The following PTPRK variants were observed in gnomAD, a reference collection of about 807,000 sequenced individuals.
PTPRK encodes receptor-type tyrosine-protein phosphatase kappa.
In PTPRK, 75 loss-of-function variants were observed where a neutral mutation model predicts 178.0. The observed-to-expected ratio is 0.42, with a 90% CI of 0.35 to 0.51. The LOEUF is 0.51. Ranked by LOEUF, PTPRK falls within the 20% of genes least tolerant of loss-of-function variation. The pLI, the probability that PTPRK is intolerant of heterozygous loss-of-function variation, is 0.02. For synonymous variants in PTPRK, 637 were observed against 620.6 expected (o/e 1.03, Z -0.39); for missense variants, 1,441 against 1,797.8 (o/e 0.80, Z 3.59).
At chr6:128,274,682 T>A (rs1002274324) in intron 3 of PTPRK, among the ~76,000 whole-genome samples, 1 of 152,014 alleles carries the variant, frequency 6.6e-6, no homozygotes, top group Non-Finnish European at 1.5e-5. Flanking sequence ...TCCAAACAAA[T>A]GGTTTAGAAA....
intron 3 of PTPRK, among the ~76,000 whole-genome samples, chr6:128,249,531 T>C (rs766551777): frequency 4.5e-4 from 68 of 152,066 alleles, no homozygotes; most frequent in Admixed American, 2.0e-3. Context: ...AAAATGAGTA[T>C]AGTAGAAGAA....
intron 6 of PTPRK, among the ~76,000 whole-genome samples, chr6:128,216,344 G>A (rs1027588769): frequency 7.9e-5 from 12 of 151,974 alleles, no homozygotes; most frequent in Non-Finnish European, 1.8e-4. Context: ...AGACCAGTCT[G>A]GCCAACATGG....
At chr6:128,230,493 G>A (rs1583591691) in intron 5 of PTPRK, among the ~76,000 whole-genome samples, 1 of 152,244 alleles carries the variant, frequency 6.6e-6, no homozygotes. Flanking sequence ...TGGGATGGCT[G>A]GCAAGCTCTC....
Position 127,983,307 on chromosome 6 carries a change from C to T in PTPRK, c.3322G>A (p.Val1108Ile). The part of the protein sequence containing the change: ...IMLDMAEREG[V>I]VDIYNCVKAL... ...TTGACACAATTGTAAATATCAACAA[C>T]ACCCTCTCTTTCAGCCATGTCTAGC... Residue 1108 changes from valine to isoleucine, a missense_variant, in exon 23 of 30, where the codon GTT (valine) becomes ATT (isoleucine). Physicochemically the swap from Val to Ile is conservative, Grantham distance 29. Coordinates refer to ENST00000368226, the MANE Select transcript of PTPRK (RefSeq NM_002844.4). 6.2e-7 allele frequency: 1 copy of T among 1,613,582 alleles called. No individual in the cohort carries two copies. Among genetic ancestry groups the T allele is most frequent in the Non-Finnish European group, 8.5e-7 (1 of 1,179,556 alleles).
chr6:128,203,468 G>C (rs1400245175), intron 6 of PTPRK, among the ~76,000 whole-genome samples: 1 of 152,174 alleles, frequency 6.6e-6, no homozygotes, highest in Non-Finnish European at 1.5e-5. Flanking sequence ...TATTTGAATA[G>C]GAAGAGAGGA....
chr6:128,294,690 CAA>C (rs1357385252), intron 3 of PTPRK, among the ~76,000 whole-genome samples: 3 of 151,976 alleles, frequency 2.0e-5, no homozygotes, highest in Non-Finnish European at 4.4e-5. Context: ...CAGTAAAAAA[CAA>C]AAGTTTAAGA....
intron 1 of PTPRK, among the ~76,000 whole-genome samples, chr6:128,502,990 G>A (rs1233779869): frequency 1.3e-5 from 2 of 152,124 alleles, no homozygotes; most frequent in Non-Finnish European, 2.9e-5. Flanking sequence ...CACTTTGGGA[G>A]TCCAAGGCAG....
intron 7 of PTPRK, 70 bp downstream of exon 7, chr6:128,184,362 A>T: frequency 7.0e-7 from 1 of 1,438,248 alleles, no homozygotes; most frequent in Non-Finnish European, 9.5e-7. Flanking sequence ...AACCTTCAAC[A>T]CTGCATGTAT....
intron 6 of PTPRK, among the ~76,000 whole-genome samples, chr6:128,193,280 G>GAAAAAAAA (rs778872277): frequency 3.5e-5 from 2 of 57,764 alleles, no homozygotes; most frequent in African/African-American, 1.2e-4. Flanking sequence ...TCCAGCTTGT[G>GAAAAAAAA]AAAAAAAAAA....
intron 11 of PTPRK, 135 bp downstream of exon 11, chr6:128,078,678 G>T: frequency 2.0e-6 from 1 of 488,368 alleles, no homozygotes; most frequent in Non-Finnish European, 3.7e-6. Context: ...TTTATCATAG[G>T]TTTGCATATA....
chr6:128,103,958 CT>C (rs1344164626), intron 7 of PTPRK, among the ~76,000 whole-genome samples: 2 of 152,160 alleles, frequency 1.3e-5, no homozygotes, highest in African/African-American at 4.8e-5. Flanking sequence ...ACCTCAGCAC[CT>C]ACTACTCAGC....
chr6:128,298,429 A>AATAGAAATTT (rs1824901847), intron 3 of PTPRK, among the ~76,000 whole-genome samples: 1 of 142,548 alleles, frequency 7.0e-6, no homozygotes, highest in African/African-American at 3.0e-5. Flanking sequence ...ACAACCAAAA[A>AATAGAAATTT]AGACCAATAT....
At chr6:128,434,628 A>T (rs1449644428) in intron 1 of PTPRK, among the ~76,000 whole-genome samples, 1 of 152,154 alleles carries the variant, frequency 6.6e-6, no homozygotes, top group South Asian at 2.1e-4. Context: ...GAACTCAATA[A>T]ATATAATTAG....
At chr6:128,152,116 G>A (rs1191956480) in intron 7 of PTPRK, among the ~76,000 whole-genome samples, 1 of 151,968 alleles carries the variant, frequency 6.6e-6, no homozygotes, top group Non-Finnish European at 1.5e-5. Context: ...TAGAAGGGAG[G>A]ACATTCTAAA....
chr6:128,326,462 T>A (rs1829582227), intron 2 of PTPRK, among the ~76,000 whole-genome samples: 1 of 152,266 alleles, frequency 6.6e-6, no homozygotes, highest in East Asian at 1.9e-4. Flanking sequence ...ATTCTCAATA[T>A]TCAATAATCA....
intron 1 of PTPRK, among the ~76,000 whole-genome samples, chr6:128,472,923 A>G (rs1341598): frequency 0.086 from 13,066 of 152,130 alleles, 869 homozygotes; most frequent in African/African-American, 0.19. Flanking sequence ...GCAGAATTGG[A>G]TAGTTGTTGC....
intron 24 of PTPRK, among the ~76,000 whole-genome samples, chr6:127,981,559 C>T (rs1357205829): frequency 1.3e-5 from 2 of 152,116 alleles, no homozygotes; most frequent in East Asian, 1.9e-4. Flanking sequence ...AATGCATTGC[C>T]TTAACCAAAG....
intron 11 of PTPRK, among the ~76,000 whole-genome samples, chr6:128,068,364 A>G (rs555379089): frequency 6.6e-6 from 1 of 152,356 alleles, no homozygotes; most frequent in South Asian, 2.1e-4. Flanking sequence ...ACATGCGGCA[A>G]TACGGGCACA....
At chr6:128,258,690 C>CAA (rs1379480253) in intron 3 of PTPRK, among the ~76,000 whole-genome samples, 1 of 152,090 alleles carries the variant, frequency 6.6e-6, no homozygotes, top group Non-Finnish European at 1.5e-5. Context: ...GGCAAGGAGG[C>CAA]AAAGGAGTTA....
Sources: gnomAD v4.1 joint callset for allele counts (sites outside exome capture counted in the v4.1 genomes callset) on GRCh38, gnomAD v4.1.1 for gene constraint, MANE v1.5 for transcripts, NCBI Gene and HGNC (gene_info 2026-07-23, HGNC 2026-07-21) for gene names.